LRRK2: variants seen among roughly 807,000 people sequenced by gnomAD.
LRRK2 encodes leucine-rich repeat serine/threonine-protein kinase 2.
In LRRK2, 203 loss-of-function variants were observed where a neutral mutation model predicts 302.6. That is an observed-to-expected ratio of 0.67 (90% CI 0.60 to 0.75). The LOEUF (loss-of-function observed/expected upper bound fraction) is 0.75. Ranked by LOEUF, LRRK2 falls within the 30% of genes least tolerant of loss-of-function variation. The pLI is 0.00. For missense variants in LRRK2, 2,830 were observed against 2,951.0 expected, an observed-to-expected ratio of 0.96 and a Z score of 0.95; for synonymous variants, 1,066 against 1,031.9, an observed-to-expected ratio of 1.03 and a Z score of -0.63.
At chr12:40,243,829 C>T in intron 7 of LRRK2, 148 bp downstream of exon 7, 1 of 827,608 alleles carries the variant, frequency 1.2e-6, no homozygotes, top group South Asian at 1.7e-5. Context: ...TAAATTAAAA[C>T]AAAAAGAAAA....
intron 28 of LRRK2, among the ~76,000 whole-genome samples, chr12:40,306,307 TC>T (rs1565735312): frequency 6.6e-6 from 1 of 151,972 alleles, no homozygotes. Context: ...TAATAACTTC[TC>T]ACACTGTATT....
At chr12:40,292,635 A>G (rs1565719468) in intron 20 of LRRK2, among the ~76,000 whole-genome samples, 1 of 151,880 alleles carries the variant, frequency 6.6e-6, no homozygotes, top group Non-Finnish European at 1.5e-5. Context: ...TGAACCAGGC[A>G]GGAACTGTTT....
At chr12:40,225,684 G>A (rs186083270) in intron 2 of LRRK2, 44 bp downstream of exon 2, 5 of 1,531,776 alleles carry the variant, frequency 3.3e-6, no homozygotes, top group Non-Finnish European at 3.6e-6. Context: ...CCTTCTGTTT[G>A]GAAGGAGACG....
chr12:40,236,978 C>T (rs1348465416), intron 4 of LRRK2, among the ~76,000 whole-genome samples: 4 of 152,030 alleles, frequency 2.6e-5, no homozygotes, highest in African/African-American at 7.3e-5. Context: ...AGTACTACTA[C>T]TCCTATTCCA....
chr12:40,315,121 A>T, intron 32 of LRRK2, 91 bp from the exon 33 acceptor site: 2 of 1,066,732 alleles, frequency 1.9e-6, no homozygotes, highest in Non-Finnish European at 2.9e-6. Flanking sequence ...CTTCACCTGC[A>T]AAATGAGGAA....
intron 14 of LRRK2, among the ~76,000 whole-genome samples, chr12:40,274,040 T>C (rs1441618246): frequency 6.6e-6 from 1 of 152,200 alleles, no homozygotes; most frequent in Non-Finnish European, 1.5e-5. Context: ...CTTGAGCTTT[T>C]ATTTCTGCAT....
At chr12:40,306,118 A>C in intron 28 of LRRK2, 152 bp downstream of exon 28, 1 of 629,238 alleles carries the variant, frequency 1.6e-6, no homozygotes, top group South Asian at 2.2e-5. Flanking sequence ...CTTTCATTTA[A>C]TGAATGTGTT....
intron 44 of LRRK2, 149 bp from the exon 45 acceptor site, chr12:40,354,150 T>C: frequency 5.9e-6 from 4 of 673,126 alleles, no homozygotes; most frequent in Non-Finnish European, 7.5e-6. Flanking sequence ...CATTTATTGC[T>C]GAAAATTAAA....
chr12:40,356,075 C>T (rs1314837659), intron 45 of LRRK2, 40 bp from the exon 46 acceptor site: 8 of 1,412,106 alleles, frequency 5.7e-6, no homozygotes, highest in Non-Finnish European at 8.0e-6. Context: ...AGTCAACATA[C>T]ATGTTCTTTT....
intron 31 of LRRK2, among the ~76,000 whole-genome samples, chr12:40,313,579 A>T (rs991537541): frequency 6.6e-6 from 1 of 152,068 alleles, no homozygotes; most frequent in African/African-American, 2.4e-5. Flanking sequence ...AATAATATCC[A>T]AAAGCTCTTG....
chr12:40,257,876 A>G (rs1000054104), intron 12 of LRRK2, among the ~76,000 whole-genome samples: 3 of 152,028 alleles, frequency 2.0e-5, no homozygotes, highest in African/African-American at 7.2e-5. Context: ...GGTTAGTGGC[A>G]CAACAGAGAC....
chr12:40,322,262 G>A, intron 36 of LRRK2, 57 bp from the exon 37 acceptor site: 2 of 1,596,254 alleles, frequency 1.3e-6, no homozygotes, highest in African/African-American at 1.3e-5. Flanking sequence ...TTACCTTAAA[G>A]CTTTGCGACA....
Position 40,367,996 on chromosome 12 carries a change from T to G in LRRK2, c.*231T>G, listed in dbSNP as rs896556456. ...TATATTTCTTATAAATACCAGTTACTTTCGTTCATTAATTAATGAAAATAA... is the reference window on the plus strand; with the variant it reads ...TATATTTCTTATAAATACCAGTTACGTTCGTTCATTAATTAATGAAAATAA... On this transcript the variant is annotated 3_prime_UTR_variant, in exon 51 of 51. Transcript: ENST00000298910. 2.6e-5 allele frequency: 7 copies of G among 273,114 alleles called. No individual in the cohort carries two copies. In the Admixed American group the frequency reaches 3.5e-4, roughly 14 times the overall value. The allele number at this position is 273,114 out of a possible 1,614,324, so 16.9% of individuals were successfully genotyped here.
Position 40,299,055 on chromosome 12 carries a change from T to G in LRRK2, c.3348-54T>G, listed in dbSNP as rs909854254. ...AGCAAATTGTTTTTGATATTTTTTCTTTAAAGCATATGAATTTATGCAATT... is the reference window on the plus strand; with the variant it reads ...AGCAAATTGTTTTTGATATTTTTTCGTTAAAGCATATGAATTTATGCAATT... On this transcript the variant is annotated intron_variant, in intron 24 of 50. Coordinates refer to ENST00000298910, the MANE Select transcript of LRRK2 (RefSeq NM_198578.4). 3.2e-6 allele frequency: 5 copies of G among 1,581,208 alleles called. No homozygotes were observed. The African/African-American group carries it at 6.8e-5, about 21-fold the overall frequency.
rs755564073 is a variant in LRRK2, at chr12:40,351,605, G to A, written c.6448G>A (p.Val2150Ile). Residue 2150 changes from valine (V) to isoleucine (I), a missense_variant, in exon 44 of 51, where the codon GTA becomes ATA. Coordinates refer to ENST00000298910, the MANE Select transcript of LRRK2 (RefSeq NM_198578.4). The stretch of plus-strand genomic sequence containing the variant: ...GAGACGCATTTTATTACCTAAAAAC[G>A]TAATTGTTGAATGCATGGTTGCTAC... The part of the protein sequence containing the change: ...LTRRILLPKN[V>I]IVECMVATHH... 7.4e-6 allele frequency: 12 copies of A among 1,614,138 alleles called. No individual in the cohort carries two copies. The highest frequency in any genetic ancestry group is 6.7e-5 in the East Asian group (3 of 44,876).
chr12:40,354,424 G>A lies in LRRK2; in HGVS notation c.6702G>A (p.Lys2234=), dbSNP rs1265078699. 1 of 1,614,002 alleles carries A rather than the reference G, an allele frequency of 6.2e-7. No homozygotes were observed. Among genetic ancestry groups the A allele is most frequent in the Non-Finnish European group, 8.5e-7 (1 of 1,180,012 alleles). ...LLVINTEDGK[K]RHTLEKMTDS... is the part of the protein sequence containing the mutation. The stretch of plus-strand genomic sequence containing the variant: ...TCATCAATACCGAAGATGGGAAAAA[G>A]AGACATACCCTAGAAAAGATGACTG... The change falls in exon 45 of 51, where the codon AAG becomes AAA. Residue 2234 remains lysine, a synonymous_variant. Transcript: ENST00000298910.
At chr12:40,356,942 T>A (rs780385952) in intron 46 of LRRK2, among the ~76,000 whole-genome samples, 13 of 152,238 alleles carry the variant, frequency 8.5e-5, no homozygotes, top group Non-Finnish European at 1.9e-4. Context: ...TTCTCTGTGC[T>A]GAGAACATTT....
chr12:40,233,735 G>A (rs940619834), intron 3 of LRRK2, among the ~76,000 whole-genome samples: 1 of 152,210 alleles, frequency 6.6e-6, no homozygotes, highest in Non-Finnish European at 1.5e-5. Context: ...CTCAGGGAGT[G>A]TTTGGGAAAC....
At chr12:40,352,032 G>A (rs560249455) in intron 44 of LRRK2, among the ~76,000 whole-genome samples, 1 of 152,206 alleles carries the variant, frequency 6.6e-6, no homozygotes, top group East Asian at 1.9e-4. Context: ...CAGCAGAAAT[G>A]TGGTTTCTGA....
Sources: allele counts gnomAD v4.1 joint callset (sites outside exome capture counted in the v4.1 genomes callset), GRCh38; gene constraint gnomAD v4.1.1; transcripts MANE v1.5; gene names NCBI Gene and HGNC (gene_info 2026-07-23, HGNC 2026-07-21).